Variants in SLC7A1 observed in about 807,000 individuals in gnomAD.
The protein encoded by SLC7A1 is solute carrier family 7 member 1.
SLC7A1 carries 10 observed loss-of-function variants against 53.9 expected under a neutral mutation model. That is an observed-to-expected ratio of 0.19 (90% CI 0.11 to 0.31). The LOEUF (loss-of-function observed/expected upper bound fraction) is 0.31. Among genes scored for constraint, SLC7A1 ranks in the 10% least tolerant of loss-of-function variants. The probability of loss-of-function intolerance (pLI) is 1.00; values close to 1 mark genes in which losing one functional copy is unlikely to be tolerated. For missense variants in SLC7A1, 525 were observed against 827.2 expected, an observed-to-expected ratio of 0.63 and a Z score of 4.48; for synonymous variants, 342 against 338.7, an observed-to-expected ratio of 1.01 and a Z score of -0.11.
rs558076372 is a variant in SLC7A1, at chr13:29,514,303, C to T, written c.*177G>A. On this transcript the variant is annotated 3_prime_UTR_variant, in exon 13 of 13. Coordinates refer to ENST00000380752, the MANE Select transcript of SLC7A1 (RefSeq NM_003045.5). ...CTGGAGGTGACCAGGGCCCGGAGAA[C>T]CGGCTGCAGAGCCGAGGGTGGGCTG... 2 of 596,782 alleles carry T rather than the reference C, an allele frequency of 3.4e-6. No homozygotes were observed. The highest frequency in any genetic ancestry group is 2.0e-5 in the South Asian group (1 of 50,560). 37.0% of individuals were successfully genotyped at this position (596,782 alleles called of 1,614,324 possible). A position where few individuals can be genotyped will look rare whatever the true frequency, so the allele number is the denominator to read the frequency against.
chr13:29,517,407 C>T, intron 10 of SLC7A1, 97 bp from the exon 11 acceptor site: 1 of 1,361,918 alleles, frequency 7.3e-7, no homozygotes, highest in Non-Finnish European at 1.0e-6. Flanking sequence ...GAGAGAGAGG[C>T]TCCATTTCCG....
Position 29,536,073 on chromosome 13 carries a change from G to A in SLC7A1, c.116C>T (p.Ala39Val), listed in dbSNP as rs1566259779. The part of the protein sequence containing the change: ...SRCLNTFDLV[A>V]LGVGSTLGAG... ...ACCCAGTGTGCTGCCCACCCCGAGG[G>A]CCACCAGATCAAAAGTGTTCAGGCA... Residue 39 changes from alanine to valine, a missense_variant, in exon 3 of 13, where the codon GCC (alanine) becomes GTC (valine). By Grantham distance (64) the Ala-to-Val change is moderately conservative. This residue lies in a region of SLC7A1 where 354 missense variants were observed against 587.5 expected (regional missense o/e 0.60). Coordinates refer to ENST00000380752, the MANE Select transcript of SLC7A1 (RefSeq NM_003045.5). 1 of 1,613,942 alleles carries A rather than the reference G, an allele frequency of 6.2e-7. No individual in the cohort carries two copies.
intron 2 of SLC7A1, among the ~76,000 whole-genome samples, chr13:29,549,320 G>A (rs1008514891): frequency 3.9e-5 from 6 of 152,300 alleles, no homozygotes; most frequent in Admixed American, 1.3e-4. Flanking sequence ...CCCAGGATGC[G>A]GGACCAGTGC....
rs1274053498 is a variant in SLC7A1, at chr13:29,509,690, T to TAA, written c.*4788_*4789dup. The TAA allele has an allele frequency of 6.6e-6, 1 of 152,186 alleles. No individual in the cohort carries two copies. Among genetic ancestry groups the TAA allele is most frequent in the Non-Finnish European group, 1.5e-5 (1 of 67,982 alleles). 9.4% of individuals were successfully genotyped at this position (152,186 alleles called of 1,614,324 possible). ...ATCTAGTATCACAACTTTAAGAAAC[T>TAA]AAAAGAAAACTATTAGAAAAATAGA... On this transcript the variant is annotated 3_prime_UTR_variant, in exon 13 of 13. Transcript: ENST00000380752.
chr13:29,535,685 A>C, intron 3 of SLC7A1, 134 bp downstream of exon 3: 2 of 844,700 alleles, frequency 2.4e-6, no homozygotes, highest in Non-Finnish European at 3.6e-6. Flanking sequence ...TAAATGAATC[A>C]GAAACATCCT....
chr13:29,516,334 G>A (rs1056194494), intron 11 of SLC7A1, 88 bp from the exon 12 acceptor site: 2 of 831,420 alleles, frequency 2.4e-6, no homozygotes, highest in South Asian at 3.1e-5. Flanking sequence ...CAGCACAACT[G>A]AGAGTGACAG....
In SLC7A1 at chr13:29,570,937, A is replaced by G. The variant is rs140735818; in HGVS notation, c.-114-17077T>C. Among the ~76,000 whole-genome samples the G allele has an allele frequency of 2.2e-4, 33 of 152,268 alleles. 1 individual carries two copies. The East Asian group carries it at 6.4e-3, about 29-fold the overall frequency. ...CTCCTTTGCAAGATGAGGAGGTTTC[A>G]ATGAATTTATATATGTAAAGCACTG... On this transcript the variant is annotated intron_variant, in intron 1 of 12. Coordinates refer to ENST00000380752, the MANE Select transcript of SLC7A1 (RefSeq NM_003045.5).
At position 29,509,521 on chromosome 13, in the gene SLC7A1, T is replaced by A. The variant is rs1272379254; in HGVS notation, c.*4959A>T. ...GGTAGGAAGTGGTCAATGTACACAG[T>A]GTTGTCAGCAAAAAGGGGAGGCAGG... On this transcript the variant is annotated 3_prime_UTR_variant, in exon 13 of 13. Transcript: ENST00000380752. 1 of 152,594 alleles carries A rather than the reference T, an allele frequency of 6.6e-6. No individual in the cohort carries two copies. The allele number at this position is 152,594 out of a possible 1,614,324, so 9.5% of individuals were successfully genotyped here.
rs74696545 is a variant in SLC7A1 at position 29,531,081 on chromosome 13, G to A, written c.530-369C>T. ...CCGCTCCCTCTCACTAAAAGGATGCGTTGCTGGGAAACAACCTCTAGGAAC... is the reference window on the plus strand; with the variant it reads ...CCGCTCCCTCTCACTAAAAGGATGCATTGCTGGGAAACAACCTCTAGGAAC... On this transcript the variant is annotated intron_variant, in intron 4 of 12. Coordinates refer to ENST00000380752, the MANE Select transcript of SLC7A1 (RefSeq NM_003045.5). Among the ~76,000 whole-genome samples the A allele has an allele frequency of 1.6e-3, 246 of 152,286 alleles. 1 individual carries two copies. The highest frequency in any genetic ancestry group is 5.5e-3 in the African/African-American group (229 of 41,554).
chr13:29,592,726 C>G (rs1872160597), intron 1 of SLC7A1, among the ~76,000 whole-genome samples: 1 of 152,178 alleles, frequency 6.6e-6, no homozygotes. Context: ...AATGAAGCTA[C>G]TACTCTGTTC....
intron 8 of SLC7A1, 89 bp downstream of exon 8, chr13:29,522,228 C>T (rs935379796): frequency 2.3e-6 from 3 of 1,327,548 alleles, no homozygotes; most frequent in African/African-American, 2.9e-5. Context: ...TAAGATTACT[C>T]ACAGACCAGA....
chr13:29,573,788 T>G (rs187232830), intron 1 of SLC7A1, among the ~76,000 whole-genome samples: 1 of 152,370 alleles, frequency 6.6e-6, no homozygotes, highest in Admixed American at 6.5e-5. Context: ...ATAATTCAAA[T>G]TTAACTGGGC....
intron 2 of SLC7A1, among the ~76,000 whole-genome samples, chr13:29,540,699 A>G (rs982685943): frequency 6.6e-6 from 1 of 152,182 alleles, no homozygotes; most frequent in African/African-American, 2.4e-5. Flanking sequence ...TTAAGAAGCC[A>G]ATGCTTTTAG....
chr13:29,546,149 C>T (rs1045662428), intron 2 of SLC7A1, among the ~76,000 whole-genome samples: 1 of 152,192 alleles, frequency 6.6e-6, no homozygotes, highest in Admixed American at 6.5e-5. Flanking sequence ...CGCAGGGAGA[C>T]TCTCCACTGC....
chr13:29,551,390 C>A (rs1870177273), intron 2 of SLC7A1, among the ~76,000 whole-genome samples: 1 of 152,174 alleles, frequency 6.6e-6, no homozygotes, highest in African/African-American at 2.4e-5. Context: ...AACTATGTTA[C>A]CATCTGGCAC....
intron 2 of SLC7A1, among the ~76,000 whole-genome samples, chr13:29,537,238 A>C (rs1050817350): frequency 2.0e-5 from 3 of 152,226 alleles, no homozygotes; most frequent in African/African-American, 4.8e-5. Flanking sequence ...GCGGCAGGTG[A>C]CCGAGGCCAA....
chr13:29,566,044 G>A (rs1870955139), intron 1 of SLC7A1, among the ~76,000 whole-genome samples: 1 of 152,168 alleles, frequency 6.6e-6, no homozygotes, highest in South Asian at 2.1e-4. Flanking sequence ...AGATGGTGTG[G>A]ACTGTTTCGC....
In SLC7A1 at chr13:29,595,684, A is replaced by T. The variant is rs1334365715; in HGVS notation, c.-383T>A. On this transcript the variant is annotated 5_prime_UTR_variant, in exon 1 of 13. Coordinates refer to ENST00000380752, the MANE Select transcript of SLC7A1 (RefSeq NM_003045.5). The stretch of plus-strand genomic sequence containing the variant: ...GGTTCCGGCGCCAGGTTTCATCAGC[A>T]GTGCGCCCGGCCCCCGCCCCTCGCG... The T allele has an allele frequency of 6.7e-6, 1 of 150,174 alleles. No homozygotes were observed. Among genetic ancestry groups the T allele is most frequent in the Non-Finnish European group, 1.5e-5 (1 of 67,120 alleles). The allele number at this position is 150,174 out of a possible 1,614,324, so 9.3% of individuals were successfully genotyped here.
chr13:29,517,501 C>T (rs61495877), intron 10 of SLC7A1, 72 bp downstream of exon 10: 3 of 1,353,166 alleles, frequency 2.2e-6, no homozygotes, highest in Admixed American at 1.7e-5. Flanking sequence ...CACCTTCCCC[C>T]AACTCCAGCT....
Sources: gnomAD v4.1 joint callset for allele counts (sites outside exome capture counted in the v4.1 genomes callset) on GRCh38, gnomAD v4.1.1 for gene constraint, gnomAD v4.1.1 regional missense constraint, MANE v1.5 for transcripts, NCBI Gene and HGNC (gene_info 2026-07-23, HGNC 2026-07-21) for gene names.